Variants in VPS53 observed in about 807,000 individuals in gnomAD.
VPS53 encodes vacuolar protein sorting-associated protein 53 homolog.
In VPS53, 70 loss-of-function variants were observed where a neutral mutation model predicts 107.0. The observed-to-expected ratio is 0.65, with a 90% CI of 0.54 to 0.80. VPS53 has a LOEUF of 0.80. Among genes scored for constraint, VPS53 ranks in the 30% least tolerant of loss-of-function variants. VPS53 has a pLI of 0.00. For missense variants in VPS53, 917 were observed against 1,049.4 expected (o/e 0.87, Z 1.74); for synonymous variants, 409 against 393.3 (o/e 1.04, Z -0.47).
intron 12 of VPS53, among the ~76,000 whole-genome samples, chr17:586,926 G>C (rs1597345121): frequency 6.6e-6 from 1 of 151,928 alleles, no homozygotes; most frequent in East Asian, 1.9e-4. Flanking sequence ...TCCTGCAATG[G>C]TTCCCAGAAT....
intron 15 of VPS53, among the ~76,000 whole-genome samples, chr17:553,896 C>A (rs1378735452): frequency 6.6e-6 from 1 of 151,986 alleles, no homozygotes; most frequent in Non-Finnish European, 1.5e-5. Context: ...GAGGAAGATT[C>A]TATTATTATC....
At chr17:574,222 G>T (rs1294434175) in intron 13 of VPS53, among the ~76,000 whole-genome samples, 1 of 152,184 alleles carries the variant, frequency 6.6e-6, no homozygotes, top group Non-Finnish European at 1.5e-5. Flanking sequence ...TAGTGCTGCG[G>T]AAACTTCCTA....
intron 7 of VPS53, among the ~76,000 whole-genome samples, chr17:651,502 G>A (rs981052889): frequency 8.5e-5 from 13 of 152,102 alleles, no homozygotes; most frequent in African/African-American, 3.1e-4. Context: ...GTGGTGGGAG[G>A]ATCACTTGAG....
rs111394910 is a variant in VPS53 at position 657,978 on chromosome 17, A to T, written c.373-2025T>A. ...AACTCGGCAGGGAGTTCGTGGATAGATACATCCCACTAAAGTGAGATACTC... is the reference window on the plus strand; with the variant it reads ...AACTCGGCAGGGAGTTCGTGGATAGTTACATCCCACTAAAGTGAGATACTC... On this transcript the variant is annotated intron_variant, in intron 5 of 21. Coordinates refer to ENST00000437048, the MANE Select transcript of VPS53 (RefSeq NM_001128159.3). 5.2e-3 allele frequency among the ~76,000 whole-genome samples: 732 copies of T among 142,114 alleles called. 10 individuals carry two copies. The highest frequency in any genetic ancestry group is 0.018 in the African/African-American group (682 of 37,072). 93.2% of individuals were successfully genotyped at this position (142,114 alleles called of 152,430 possible).
At chr17:586,410 C>T (rs932887100) in intron 12 of VPS53, 46 bp from the exon 13 acceptor site, 7 of 1,566,102 alleles carry the variant, frequency 4.5e-6, no homozygotes, top group Non-Finnish European at 6.1e-6. Context: ...GTGATCTTTG[C>T]AAATGTTCAA....
intron 4 of VPS53, among the ~76,000 whole-genome samples, chr17:664,639 G>A (rs1971601689): frequency 6.6e-6 from 1 of 152,190 alleles, no homozygotes; most frequent in East Asian, 1.9e-4. Context: ...ACTTGTATAA[G>A]ACTGTCCTGG....
chr17:522,444 C>T (rs1449336779), intron 19 of VPS53, among the ~76,000 whole-genome samples: 1 of 152,216 alleles, frequency 6.6e-6, no homozygotes, highest in Non-Finnish European at 1.5e-5. Context: ...GGCGAGACCC[C>T]ATCTCTAAAG....
chr17:513,086 C>T lies in VPS53; in HGVS notation c.*6042G>A, dbSNP rs1453028788. The T allele has an allele frequency of 6.6e-6, 1 of 152,260 alleles. No homozygotes were observed. The highest frequency in any genetic ancestry group is 1.5e-5 in the Non-Finnish European group (1 of 68,102). The allele number at this position is 152,260 out of a possible 1,614,324, so 9.4% of individuals were successfully genotyped here. On this transcript the variant is annotated 3_prime_UTR_variant, in exon 22 of 22. Transcript: ENST00000437048. ...GGGCTCAGTCGGCCACATTCTGCTC[C>T]CACGCGTTGCTTCCTTAGACTGTCA...
At chr17:691,951 A>G (rs1597493018) in intron 4 of VPS53, among the ~76,000 whole-genome samples, 1 of 152,336 alleles carries the variant, frequency 6.6e-6, no homozygotes, top group East Asian at 1.9e-4. Flanking sequence ...GGTTTCAGGC[A>G]TCCACTGGGG....
intron 12 of VPS53, among the ~76,000 whole-genome samples, chr17:590,715 C>A (rs1327194438): frequency 6.8e-6 from 1 of 147,820 alleles, no homozygotes; most frequent in African/African-American, 2.5e-5. Context: ...GCCTTGCATC[C>A]CAGGGATGAA....
At chr17:648,933 T>C (rs1410956158) in intron 7 of VPS53, among the ~76,000 whole-genome samples, 1 of 120,194 alleles carries the variant, frequency 8.3e-6, no homozygotes, top group East Asian at 3.2e-4. Context: ...GAACAGGCAC[T>C]GAAGATCTTA....
intron 15 of VPS53, 124 bp from the exon 16 acceptor site, chr17:553,586 T>A: frequency 1.2e-6 from 1 of 813,302 alleles, no homozygotes. Flanking sequence ...TTTTTTTTTT[T>A]TTTTTTTGAG....
intron 5 of VPS53, chr17:657,247 C>T: frequency 9.4e-7 from 1 of 1,068,806 alleles, no homozygotes; most frequent in Non-Finnish European, 1.4e-6. Context: ...AGGTGTACAG[C>T]AAAGCAACCT....
intron 13 of VPS53, among the ~76,000 whole-genome samples, chr17:566,912 T>G (rs1020495459): frequency 6.6e-6 from 1 of 151,722 alleles, no homozygotes; most frequent in African/African-American, 2.4e-5. Context: ...ACCGGCTAAT[T>G]TTTGCTTTTT....
chr17:685,998 C>A (rs1347792403), intron 4 of VPS53, among the ~76,000 whole-genome samples: 1 of 150,964 alleles, frequency 6.6e-6, no homozygotes, highest in Non-Finnish European at 1.5e-5. Context: ...TGGAGCGAGA[C>A]CCTGTCTCTA....
rs1464793953 is a variant in VPS53, at chr17:699,419, C to T, written c.169-39G>A. 4 of 1,501,754 alleles carry T rather than the reference C, an allele frequency of 2.7e-6. No homozygotes were observed. The South Asian group carries it at 5.4e-5, about 20-fold the overall frequency. The allele number at this position is 1,501,754 out of a possible 1,614,324, so 93.0% of individuals were successfully genotyped here. On this transcript the variant is annotated intron_variant, in intron 2 of 21. Coordinates refer to ENST00000437048, the MANE Select transcript of VPS53 (RefSeq NM_001128159.3). The stretch of plus-strand genomic sequence containing the variant: ...GGAAGAGTGCCCAGCTGTTAGTCCA[C>T]TTCCTGGAATTCCTCTTTCACAGGA...
chr17:542,378 G>A lies in VPS53; in HGVS notation c.1867-5202C>T, dbSNP rs572797844. Among the ~76,000 whole-genome samples the A allele has an allele frequency of 2.6e-4, 39 of 152,300 alleles. 1 individual carries two copies. The highest frequency in any genetic ancestry group is 1.9e-4 in the Non-Finnish European group (13 of 68,020). ...CAGCCAGTCTGACTTCTGACACTGT[G>A]CAACCTTCTAAAGGGGTGACCGGGA... On this transcript the variant is annotated intron_variant, in intron 17 of 21. Coordinates refer to ENST00000437048, the MANE Select transcript of VPS53 (RefSeq NM_001128159.3).
intron 13 of VPS53, among the ~76,000 whole-genome samples, chr17:577,508 C>T (rs1302307183): frequency 6.6e-6 from 1 of 151,948 alleles, no homozygotes; most frequent in Non-Finnish European, 1.5e-5. Context: ...TCCCAGAGAA[C>T]ATCCCTCAGA....
At chr17:583,402 T>G (rs1459868126) in intron 13 of VPS53, among the ~76,000 whole-genome samples, 1 of 144,304 alleles carries the variant, frequency 6.9e-6, no homozygotes, top group East Asian at 2.2e-4. Context: ...CCCAGAGAAC[T>G]TCCCCCAGGA....
Sources: allele counts gnomAD v4.1 joint callset (sites outside exome capture counted in the v4.1 genomes callset), GRCh38; gene constraint gnomAD v4.1.1; transcripts MANE v1.5; gene names NCBI Gene and HGNC (gene_info 2026-07-23, HGNC 2026-07-21).